CARD8: variants seen among roughly 807,000 people sequenced by gnomAD.
The protein encoded by CARD8 is caspase recruitment domain-containing protein 8.
In CARD8, 38 loss-of-function variants were observed where a neutral mutation model predicts 53.2. That is an observed-to-expected ratio of 0.71 (90% CI 0.55 to 0.94). The LOEUF (loss-of-function observed/expected upper bound fraction) is 0.94. Ranked by LOEUF, CARD8 falls within the 40% of genes least tolerant of loss-of-function variation. CARD8 has a pLI of 0.00. For missense variants in CARD8, 561 were observed against 655.5 expected, an observed-to-expected ratio of 0.86 and a Z score of 1.57; for synonymous variants, 245 against 244.9, an observed-to-expected ratio of 1.00 and a Z score of 0.00.
rs1394795600 is a variant in CARD8, at chr19:48,241,038, T to C, written c.-18A>G. 1 of 1,531,496 alleles carries C rather than the reference T, an allele frequency of 6.5e-7. No individual in the cohort carries two copies. The highest frequency in any genetic ancestry group is 1.2e-5 in the South Asian group (1 of 83,958). 94.9% of individuals were successfully genotyped at this position (1,531,496 alleles called of 1,614,324 possible). On this transcript the variant is annotated 5_prime_UTR_variant, in exon 4 of 14. In the 5' UTR this introduces an upstream ATG that the reference lacks. Coordinates refer to ENST00000651546, the MANE Select transcript of CARD8 (RefSeq NM_001184900.3). Reference sequence around the variant, plus strand: ...TTTTCCATTTGTCAAATGTGGTATTTATGTCTTTACTGTATCTTTTTTACC... The same window carrying C: ...TTTTCCATTTGTCAAATGTGGTATTCATGTCTTTACTGTATCTTTTTTACC...
At chr19:48,235,784 G>A (rs1260696468) in intron 5 of CARD8, among the ~76,000 whole-genome samples, 1 of 151,558 alleles carries the variant, frequency 6.6e-6, no homozygotes, top group Non-Finnish European at 1.5e-5. Context: ...CAATTGTTGA[G>A]AGATTTTGAA....
In CARD8 at chr19:48,209,541, G is replaced by C. The variant is rs2037690953; in HGVS notation, c.*2169C>G. 1 of 152,008 alleles carries C rather than the reference G, an allele frequency of 6.6e-6. No homozygotes were observed. The highest frequency in any genetic ancestry group is 1.5e-5 in the Non-Finnish European group (1 of 67,988). The allele number at this position is 152,008 out of a possible 1,614,324, so 9.4% of individuals were successfully genotyped here. On this transcript the variant is annotated 3_prime_UTR_variant, in exon 14 of 14. Coordinates refer to ENST00000651546, the MANE Select transcript of CARD8 (RefSeq NM_001184900.3). ...ATCAGAATAATGGAAAAAATGAAAA[G>C]ATGTTCTAAATAAGTAGAATATCAG...
intron 10 of CARD8, among the ~76,000 whole-genome samples, chr19:48,227,176 G>T (rs2041956408): frequency 6.6e-6 from 1 of 152,106 alleles, no homozygotes; most frequent in Non-Finnish European, 1.5e-5. Context: ...ATGAAATTTA[G>T]TCTCTACCCT....
In CARD8 at chr19:48,242,406, A is replaced by G. The variant is rs532560533; in HGVS notation, c.-43-1343T>C. On this transcript the variant is annotated intron_variant, in intron 3 of 13. Transcript: ENST00000651546. Reference sequence around the variant, plus strand: ...ATAAATTCTGTTGTTTAAGCCACATAGTCTATGATACTTTTGTTAAAGAAG... The same window carrying G: ...ATAAATTCTGTTGTTTAAGCCACATGGTCTATGATACTTTTGTTAAAGAAG... 49 of 153,782 alleles carry G rather than the reference A, an allele frequency of 3.2e-4. 1 individual carries two copies. Among genetic ancestry groups the G allele is most frequent in the African/African-American group, 1.1e-3 (44 of 41,576 alleles). The allele number at this position is 153,782 out of a possible 1,614,324, so 9.5% of individuals were successfully genotyped here.
At chr19:48,244,496 T>A (rs1357498319) in intron 3 of CARD8, among the ~76,000 whole-genome samples, 1 of 152,110 alleles carries the variant, frequency 6.6e-6, no homozygotes, top group African/African-American at 2.4e-5. Flanking sequence ...TTCCTGTGAG[T>A]AAAGCCTCAT....
At chr19:48,223,973 T>A in intron 10 of CARD8, 1 of 446,498 alleles carries the variant, frequency 2.2e-6, no homozygotes, top group Non-Finnish European at 4.5e-6. Context: ...AAATGCAATT[T>A]TTTTTTGAGA....
At position 48,210,924 on chromosome 19, in the gene CARD8, T is replaced by C. The variant is rs1184029999; in HGVS notation, c.*786A>G. 4 of 152,266 alleles carry C rather than the reference T, an allele frequency of 2.6e-5. No individual in the cohort carries two copies. Among genetic ancestry groups the C allele is most frequent in the Admixed American group, 6.5e-5 (1 of 15,276 alleles). 9.4% of individuals were successfully genotyped at this position (152,266 alleles called of 1,614,324 possible). On this transcript the variant is annotated 3_prime_UTR_variant, in exon 14 of 14. Transcript: ENST00000651546. ...CTATGGTAGAATCCAAATGTCAGAGTTGGCTTATTTTTTGTATGGTACATT... is the reference window on the plus strand; with the variant it reads ...CTATGGTAGAATCCAAATGTCAGAGCTGGCTTATTTTTTGTATGGTACATT...
chr19:48,238,275 A>AT (rs781656706), intron 5 of CARD8, 108 bp downstream of exon 5: 523 of 1,430,430 alleles, frequency 3.7e-4, no homozygotes, highest in Non-Finnish European at 4.7e-4. Context: ...ATATATACTA[A>AT]TTTTTATGCA....
intron 3 of CARD8, chr19:48,242,427 A>G (rs374703547): frequency 1.8e-4 from 27 of 152,538 alleles, no homozygotes; most frequent in African/African-American, 6.0e-4. Flanking sequence ...CTTTTGTTAA[A>G]GAAGCCCAAA....
chr19:48,206,423 C>A, downstream of CARD8: 1 of 458,082 alleles, frequency 2.2e-6, no homozygotes, highest in South Asian at 1.5e-5. Context: ...CCCAATGAGT[C>A]TGGATAACAG....
intron 10 of CARD8, among the ~76,000 whole-genome samples, chr19:48,224,995 C>T (rs919386346): frequency 9.9e-5 from 15 of 151,904 alleles, no homozygotes; most frequent in South Asian, 2.1e-4. Flanking sequence ...CCTCGTGATC[C>T]GCCCACCTCG....
In CARD8 at chr19:48,211,844, T is replaced by C. The variant is rs1568623496; in HGVS notation, c.1480A>G (p.Thr494Ala). Reference protein sequence around the residue: ...NEKELVEQEKTRQSKNEALLS... With the variant: ...NEKELVEQEKARQSKNEALLS... ...AAGGCCTCATTCTTGCTCTGCCGTG[T>C]CTTTTCCTGCTCCACCAGCTCCTTC... The change falls in exon 14 of 14, where the codon ACA (threonine) becomes GCA (alanine). Residue 494 changes from threonine (T) to alanine (A), a missense_variant. Coordinates refer to ENST00000651546, the MANE Select transcript of CARD8 (RefSeq NM_001184900.3). 6 of 1,614,174 alleles carry C rather than the reference T, an allele frequency of 3.7e-6. No homozygotes were observed. The highest frequency in any genetic ancestry group is 5.1e-6 in the Non-Finnish European group (6 of 1,180,044).
chr19:48,212,033 C>G (rs2038083273), intron 13 of CARD8, 58 bp from the exon 14 acceptor site: 2 of 1,520,798 alleles, frequency 1.3e-6, no homozygotes, highest in Non-Finnish European at 1.8e-6. Flanking sequence ...GATTCAGGAT[C>G]TATACCAAGC....
chr19:48,229,379 G>A (rs778893206), intron 10 of CARD8, among the ~76,000 whole-genome samples: 11 of 152,204 alleles, frequency 7.2e-5, no homozygotes, highest in Non-Finnish European at 1.3e-4. Context: ...GGCTCAGAAT[G>A]AAAACAGAAG....
At chr19:48,205,962 AT>A (rs1297442452), downstream of CARD8, among the ~76,000 whole-genome samples, 1 of 151,972 alleles carries the variant, frequency 6.6e-6, no homozygotes, top group African/African-American at 2.4e-5. Context: ...CAGTGGTGCA[AT>A]TTTGGCTCAC....
At chr19:48,230,012 C>G (rs957183735) in intron 10 of CARD8, among the ~76,000 whole-genome samples, 29 of 152,122 alleles carry the variant, frequency 1.9e-4, no homozygotes, top group Admixed American at 1.7e-3. Context: ...ACTCAAGAGG[C>G]TGAGGCAGGA....
chr19:48,214,713 C>A (rs1165880178), intron 13 of CARD8, among the ~76,000 whole-genome samples: 1 of 150,672 alleles, frequency 6.6e-6, no homozygotes, highest in Non-Finnish European at 1.5e-5. Context: ...TTCAAGTCAC[C>A]CCCTCGGCCG....
intron 13 of CARD8, among the ~76,000 whole-genome samples, chr19:48,214,955 A>G (rs1292093999): frequency 6.6e-6 from 1 of 151,256 alleles, no homozygotes; most frequent in Non-Finnish European, 1.5e-5. Context: ...CGCCCGGCTA[A>G]TTTTTTGTAT....
chr19:48,247,217 G>A (rs908372394), intron 3 of CARD8, among the ~76,000 whole-genome samples: 3 of 152,136 alleles, frequency 2.0e-5, no homozygotes, highest in Admixed American at 6.6e-5. Context: ...TCAGCTACTC[G>A]GGAGGGTGAG....
Sources: gnomAD v4.1 joint callset for allele counts (sites outside exome capture counted in the v4.1 genomes callset) on GRCh38, gnomAD v4.1.1 for gene constraint, MANE v1.5 for transcripts, NCBI Gene and HGNC (gene_info 2026-07-23, HGNC 2026-07-21) for gene names.